Variants in GRIA3 observed in about 807,000 individuals in gnomAD.
The protein encoded by GRIA3 is glutamate ionotropic receptor AMPA type subunit 3, also known as glutamate receptor 3.
In GRIA3, 3 loss-of-function variants were observed where a neutral mutation model predicts 63.0. That is an observed-to-expected ratio of 0.05 (90% CI 0.02 to 0.12). The LOEUF (loss-of-function observed/expected upper bound fraction) is 0.12, where lower values mean the gene tolerates loss of function less well. GRIA3 is among the 10% of genes least tolerant of loss of function. The pLI is 1.00. For missense variants in GRIA3, 347 were observed against 700.9 expected, an observed-to-expected ratio of 0.50 and a Z score of 5.70; for synonymous variants, 274 against 257.9, an observed-to-expected ratio of 1.06 and a Z score of -0.60.
At chrX:123,328,989 C>G (rs2044923592) in intron 4 of GRIA3, among the ~76,000 whole-genome samples, 1 of 111,991 alleles carries the variant, frequency 8.9e-6, no homozygotes, top group South Asian at 3.7e-4. Flanking sequence ...ATATCTATCA[C>G]CTTTCTCATT....
chrX:123,396,233 A>AATG (rs896387377), intron 6 of GRIA3, among the ~76,000 whole-genome samples: 52 of 105,600 alleles, frequency 4.9e-4, no homozygotes, highest in African/African-American at 1.1e-3. Flanking sequence ...TAATAATAAT[A>AATG]ATGATGATAA....
intron 11 of GRIA3, 87 bp downstream of exon 11, chrX:123,417,865 C>T (rs1387489726): frequency 1.2e-6 from 1 of 862,239 alleles, no homozygotes; most frequent in African/African-American, 2.0e-5. Context: ...CATCTCAACT[C>T]CAGATTTTTT....
chrX:123,363,753 A>G (rs768751088), intron 5 of GRIA3, among the ~76,000 whole-genome samples: 1 of 112,876 alleles, frequency 8.9e-6, no homozygotes, highest in South Asian at 3.6e-4. Context: ...GGTGCAATTT[A>G]TGAAATATAG....
chrX:123,334,737 A>G (rs928506846), intron 4 of GRIA3, among the ~76,000 whole-genome samples: 1 of 111,594 alleles, frequency 9.0e-6, no homozygotes, highest in African/African-American at 3.3e-5. Flanking sequence ...AGCAGAGTAC[A>G]GAAGCCTTGA....
At chrX:123,388,428 TAG>T (rs1468271455) in intron 5 of GRIA3, among the ~76,000 whole-genome samples, 2 of 111,036 alleles carry the variant, frequency 1.8e-5, no homozygotes, top group Non-Finnish European at 3.8e-5. Context: ...GTATTTTCAA[TAG>T]AGACAAGAGT....
rs541313213 is a variant in GRIA3 at position 123,358,119 on chromosome X, A to G, written c.750+3156A>G. Among the ~76,000 whole-genome samples, 86 of 111,456 alleles carry G rather than the reference A, an allele frequency of 7.7e-4. No individual in the cohort carries two copies. In the Middle Eastern group the frequency reaches 0.019, roughly 24 times the overall value. ...GAGACAGAGAACCAAAACTATTTAG[A>G]AGTAAGTTGGATGGTCAAGAAAAGG... On this transcript the variant is annotated intron_variant, in intron 5 of 15. Transcript: ENST00000620443.
intron 2 of GRIA3, among the ~76,000 whole-genome samples, chrX:123,210,368 A>T (rs959818097): frequency 1.8e-5 from 2 of 110,435 alleles, no homozygotes; most frequent in Non-Finnish European, 3.8e-5. Context: ...GCTGTTTTTC[A>T]ATTGTTTATC....
intron 3 of GRIA3, among the ~76,000 whole-genome samples, chrX:123,302,477 A>T (rs1193999660): frequency 9.0e-6 from 1 of 111,664 alleles, no homozygotes; most frequent in African/African-American, 3.2e-5. Flanking sequence ...AATCAGATAG[A>T]CATAGGGTTA....
At chrX:123,367,273 C>T (rs1052846316) in intron 5 of GRIA3, among the ~76,000 whole-genome samples, 23 of 111,038 alleles carry the variant, frequency 2.1e-4, no homozygotes, top group Non-Finnish European at 3.8e-4. Flanking sequence ...ATTTTGTTTT[C>T]GGTAAAAATG....
chrX:123,325,899 G>C (rs2044899294), intron 3 of GRIA3, 127 bp from the exon 4 acceptor site: 2 of 569,314 alleles, frequency 3.5e-6, no homozygotes, highest in East Asian at 7.2e-5. Flanking sequence ...GAGGTTATGA[G>C]TAAGCCTGCT....
chrX:123,221,377 C>T (rs780290424), intron 2 of GRIA3, among the ~76,000 whole-genome samples: 13 of 112,171 alleles, frequency 1.2e-4, no homozygotes, highest in African/African-American at 4.2e-4. Flanking sequence ...GGTAGAAATA[C>T]AGCTTATATT....
chrX:123,350,012 T>A (rs1043709153), intron 4 of GRIA3, among the ~76,000 whole-genome samples: 1 of 110,583 alleles, frequency 9.0e-6, no homozygotes, highest in African/African-American at 3.3e-5. Context: ...AGTATCTTTT[T>A]AAAAAAAAAT....
rs897431893 is a variant in GRIA3 at position 123,428,208 on chromosome X, C to T, written c.2076+69C>T. The T allele has an allele frequency of 9.6e-6, 7 of 731,182 alleles. No individual in the cohort carries two copies. The African/African-American group carries it at 1.3e-4, about 13-fold the overall frequency. 60.3% of individuals were successfully genotyped at this position (731,182 alleles called of 1,213,427 possible). A position where few individuals can be genotyped will look rare whatever the true frequency, so the allele number is the denominator to read the frequency against. ...TCATCTTCTCACAAAGGCAAGTTCA[C>T]AGTGCTTTTAAGGGAGAGTTGGGAA... is the stretch of plus-strand genomic sequence containing the variant. On this transcript the variant is annotated intron_variant, in intron 12 of 15. Transcript: ENST00000620443.
chrX:123,328,391 G>A (rs1253194010), intron 4 of GRIA3, among the ~76,000 whole-genome samples: 1 of 111,648 alleles, frequency 9.0e-6, no homozygotes, highest in South Asian at 3.7e-4. Flanking sequence ...TCTTCTATAC[G>A]CACATTCACA....
At chrX:123,238,321 G>C (rs1207430963) in intron 2 of GRIA3, among the ~76,000 whole-genome samples, 2 of 110,947 alleles carry the variant, frequency 1.8e-5, no homozygotes, top group East Asian at 2.8e-4. Context: ...GATGAGTTCA[G>C]ATGGAGGCTC....
intron 12 of GRIA3, among the ~76,000 whole-genome samples, chrX:123,452,994 G>A (rs888596707): frequency 1.2e-4 from 14 of 112,224 alleles, no homozygotes; most frequent in African/African-American, 4.5e-4. Context: ...GATTCCTCAA[G>A]GATCTAGAAC....
chrX:123,244,332 A>T (rs1179320725), intron 2 of GRIA3, among the ~76,000 whole-genome samples: 3 of 111,483 alleles, frequency 2.7e-5, no homozygotes, highest in Non-Finnish European at 5.7e-5. Flanking sequence ...ATATGAACCC[A>T]GGGAAGGTAT....
intron 5 of GRIA3, among the ~76,000 whole-genome samples, chrX:123,391,592 C>T (rs1224030342): frequency 9.0e-6 from 1 of 111,419 alleles, no homozygotes; most frequent in African/African-American, 3.3e-5. Flanking sequence ...ACATGGGCAC[C>T]AGTGTTAGTG....
At chrX:123,265,805 C>T (rs764838800) in intron 3 of GRIA3, among the ~76,000 whole-genome samples, 2 of 112,426 alleles carry the variant, frequency 1.8e-5, no homozygotes, top group East Asian at 5.6e-4. Flanking sequence ...ACATGTTTCC[C>T]TTCGTGTTCA....
Sources: gnomAD v4.1 joint callset for allele counts (sites outside exome capture counted in the v4.1 genomes callset) on GRCh38, gnomAD v4.1.1 for gene constraint, MANE v1.5 for transcripts, NCBI Gene and HGNC (gene_info 2026-07-23, HGNC 2026-07-21) for gene names.